ALMS1: variants seen among roughly 807,000 people sequenced by gnomAD.
ALMS1 encodes the protein ALMS1 centrosome and basal body associated protein.
In ALMS1, 271 loss-of-function variants were observed where a neutral mutation model predicts 352.2. That is an observed-to-expected ratio of 0.77 (90% CI 0.70 to 0.85). The LOEUF is 0.85. ALMS1 is among the 40% of genes least tolerant of loss of function. The pLI is 0.00. For synonymous variants in ALMS1, 1,865 were observed against 1,761.2 expected (o/e 1.06, Z -1.48); for missense variants, 5,445 against 4,870.7 (o/e 1.12, Z -3.51).
chr2:73,391,862 A>G (rs1395756247), intron 1 of ALMS1, among the ~76,000 whole-genome samples: 1 of 152,090 alleles, frequency 6.6e-6, no homozygotes, highest in African/African-American at 2.4e-5. Context: ...TCTTTCTTGT[A>G]TGTTTGAAAG....
intron 11 of ALMS1, among the ~76,000 whole-genome samples, chr2:73,526,844 T>A (rs540937911): frequency 2.0e-5 from 3 of 152,312 alleles, no homozygotes; most frequent in African/African-American, 7.2e-5. Context: ...TCTTGTCATG[T>A]TCCACATCTT....
At chr2:73,455,069 TA>T in intron 8 of ALMS1, 92 bp from the exon 9 acceptor site, 3 of 1,403,148 alleles carry the variant, frequency 2.1e-6, no homozygotes, top group Non-Finnish European at 3.0e-6. Flanking sequence ...CAGTGGGTAT[TA>T]AATTGCATAT....
Position 73,448,398 on chromosome 2 carries a change from A to T in ALMS1, c.1871A>T (p.His624Leu), listed in dbSNP as rs41291187. Residue 624 changes from histidine to leucine, a missense_variant, in exon 8 of 23, where the codon CAT becomes CTT. Coordinates refer to ENST00000613296, the MANE Select transcript of ALMS1 (RefSeq NM_001378454.1). ...MSTLTSTSYSHREKPGTFYQQ... is the reference protein window; with the variant it reads ...MSTLTSTSYSLREKPGTFYQQ... ...ACTCTAACCTCTACTTCCTACTCAC[A>T]TAGAGAGAAGCCTGGTACTTTTTAC... The T allele has an allele frequency of 9.3e-6, 15 of 1,614,036 alleles. No homozygotes were observed. The highest frequency in any genetic ancestry group is 1.0e-5 in the Non-Finnish European group (12 of 1,179,920).
chr2:73,523,875 T>C (rs1035179303), intron 11 of ALMS1, among the ~76,000 whole-genome samples: 2 of 152,062 alleles, frequency 1.3e-5, no homozygotes. Context: ...TAACTAGAGA[T>C]GAGCAACTAG....
chr2:73,440,839 ATCT>A (rs1671705461), intron 7 of ALMS1, among the ~76,000 whole-genome samples: 1 of 152,160 alleles, frequency 6.6e-6, no homozygotes, highest in Non-Finnish European at 1.5e-5. Context: ...CCTATTTATA[ATCT>A]TCTGTTTAGC....
chr2:73,599,423 C>G lies in ALMS1; in HGVS notation c.11570C>G (p.Ser3857Cys). ...HIQVANHVIS[S>C]DSISSSASSF... Reference sequence around the variant, plus strand: ...TAGGTAGCAAACCATGTGATTTCTTCTGACTCTATTTCCTCTTCTGCCAGT... The same window carrying G: ...TAGGTAGCAAACCATGTGATTTCTTGTGACTCTATTTCCTCTTCTGCCAGT... The change falls in exon 17 of 23, where the codon TCT (serine) becomes TGT (cysteine). Residue 3857 changes from serine (S) to cysteine (C), a missense_variant. By Grantham distance (112) the Ser-to-Cys change is moderately radical. Coordinates refer to ENST00000613296, the MANE Select transcript of ALMS1 (RefSeq NM_001378454.1). The G allele has an allele frequency of 6.2e-7, 1 of 1,613,344 alleles. No homozygotes were observed. The highest frequency in any genetic ancestry group is 1.1e-5 in the South Asian group (1 of 91,064).
rs546477681 is a variant in ALMS1, at chr2:73,506,448, C to T, written c.9540-13327C>T. ...GGAATGTTTTTCCATTTGTTTGTGT[C>T]CTCTCTTATTTCCTTGAGCAGTGGT... is the stretch of plus-strand genomic sequence containing the variant. On this transcript the variant is annotated intron_variant, in intron 10 of 22. Transcript: ENST00000613296. Among the ~76,000 whole-genome samples, 14 of 152,256 alleles carry T rather than the reference C, an allele frequency of 9.2e-5. No homozygotes were observed. The East Asian group carries it at 1.5e-3, about 17-fold the overall frequency.
At chr2:73,493,654 G>A (rs1459124505) in intron 10 of ALMS1, among the ~76,000 whole-genome samples, 1 of 151,750 alleles carries the variant, frequency 6.6e-6, no homozygotes, top group Non-Finnish European at 1.5e-5. Context: ...CCTGGGAGGC[G>A]GAGGCTGCAG....
At chr2:73,396,338 ACG>A (rs1491064164) in intron 1 of ALMS1, among the ~76,000 whole-genome samples, 7 of 150,742 alleles carry the variant, frequency 4.6e-5, no homozygotes, top group African/African-American at 1.7e-4. Context: ...ACACACACAC[ACG>A]CTTGTATTTT....
chr2:73,560,376 A>C, intron 15 of ALMS1, among the ~76,000 whole-genome samples: 1 of 152,198 alleles, frequency 6.6e-6, no homozygotes, highest in Non-Finnish European at 1.5e-5. Flanking sequence ...GATGACCACT[A>C]TCAAAAGAAA....
chr2:73,577,336 A>G (rs1675075214), intron 16 of ALMS1, among the ~76,000 whole-genome samples: 1 of 151,894 alleles, frequency 6.6e-6, no homozygotes, highest in South Asian at 2.1e-4. Flanking sequence ...TTTTAAGTCT[A>G]TTTAGATTTT....
At chr2:73,608,324 C>T in intron 21 of ALMS1, 151 bp from the exon 22 acceptor site, 1 of 664,094 alleles carries the variant, frequency 1.5e-6, no homozygotes, top group Non-Finnish European at 2.7e-6. Context: ...GTTTTCTGTG[C>T]TGGAGTATCT....
At chr2:73,408,497 C>G in intron 1 of ALMS1, 125 bp from the exon 2 acceptor site, 1 of 1,128,360 alleles carries the variant, frequency 8.9e-7, no homozygotes, top group Non-Finnish European at 1.3e-6. Flanking sequence ...GTTGTGAAAT[C>G]AAAATGTCGT....
chr2:73,543,046 C>A (rs1253574231), intron 12 of ALMS1, among the ~76,000 whole-genome samples: 1 of 151,862 alleles, frequency 6.6e-6, no homozygotes, highest in Admixed American at 6.6e-5. Context: ...AAAAAAGAGC[C>A]TGCATCGCCA....
At chr2:73,535,066 C>T (rs1316909176) in intron 12 of ALMS1, 117 bp downstream of exon 12, 1 of 1,243,508 alleles carries the variant, frequency 8.0e-7, no homozygotes, top group African/African-American at 1.5e-5. Flanking sequence ...AAATATGGAA[C>T]TTTTCATACC....
intron 10 of ALMS1, among the ~76,000 whole-genome samples, chr2:73,494,389 G>A (rs759438577): frequency 7.2e-5 from 11 of 152,070 alleles, no homozygotes; most frequent in East Asian, 1.9e-4. Flanking sequence ...ACATCTTACC[G>A]TAACATCATA....
chr2:73,513,845 C>T (rs747489727), intron 10 of ALMS1, among the ~76,000 whole-genome samples: 36 of 152,104 alleles, frequency 2.4e-4, no homozygotes, highest in Admixed American at 5.2e-4. Context: ...ATACTCTGTG[C>T]TAGGACACTT....
At chr2:73,514,373 T>C (rs1024045460) in intron 10 of ALMS1, among the ~76,000 whole-genome samples, 5 of 152,146 alleles carry the variant, frequency 3.3e-5, no homozygotes, top group African/African-American at 1.2e-4. Context: ...CTTGACTGTA[T>C]AGTTTACCTT....
chr2:73,564,531 T>C (rs189963475), intron 15 of ALMS1, among the ~76,000 whole-genome samples: 1 of 151,250 alleles, frequency 6.6e-6, no homozygotes, highest in Admixed American at 6.6e-5. Flanking sequence ...CACAGATAAG[T>C]GCAATCAACC....
Sources: gnomAD v4.1 joint callset for allele counts (sites outside exome capture counted in the v4.1 genomes callset) on GRCh38, gnomAD v4.1.1 for gene constraint, MANE v1.5 for transcripts, NCBI Gene and HGNC (gene_info 2026-07-23, HGNC 2026-07-21) for gene names.